The following ERBB4 variants were observed in gnomAD, a reference collection of about 807,000 sequenced individuals.
The protein encoded by ERBB4 is receptor tyrosine-protein kinase erbB-4.
A neutral mutation model predicts 158.0 loss-of-function variants in ERBB4; 42 were observed. The ratio of observed to expected loss-of-function variants is 0.27; its 90% CI spans 0.21 to 0.34. The LOEUF (loss-of-function observed/expected upper bound fraction) is 0.34, where lower values mean the gene tolerates loss of function less well. ERBB4 is among the 10% of genes least tolerant of loss of function. The pLI is 1.00. For synonymous variants in ERBB4, 583 were observed against 558.7 expected (o/e 1.04, Z -0.61); for missense variants, 1,333 against 1,624.1 (o/e 0.82, Z 3.08).
intron 3 of ERBB4, among the ~76,000 whole-genome samples, chr2:211,889,271 A>AC (rs1251942017): frequency 7.0e-6 from 1 of 143,484 alleles, no homozygotes; most frequent in East Asian, 1.9e-4. Context: ...ACTGGGAGGC[A>AC]CCCCCCAGCC....
At chr2:211,718,363 T>C (rs779583910) in intron 7 of ERBB4, among the ~76,000 whole-genome samples, 7 of 152,184 alleles carry the variant, frequency 4.6e-5, no homozygotes, top group Admixed American at 1.3e-4. Flanking sequence ...GTATCCCTTA[T>C]CCAAAATGCT....
At chr2:211,959,954 A>G (rs1045963028) in intron 2 of ERBB4, among the ~76,000 whole-genome samples, 1 of 151,868 alleles carries the variant, frequency 6.6e-6, no homozygotes, top group African/African-American at 2.4e-5. Flanking sequence ...AGTAATGAAG[A>G]CCATAATGGG....
chr2:212,067,338 A>G (rs910922870), intron 2 of ERBB4, among the ~76,000 whole-genome samples: 6 of 152,008 alleles, frequency 3.9e-5, no homozygotes, highest in African/African-American at 1.4e-4. Context: ...GGTAGAAATG[A>G]GAGTGATGAT....
chr2:212,102,897 T>G (rs2079124219), intron 2 of ERBB4, among the ~76,000 whole-genome samples: 1 of 152,098 alleles, frequency 6.6e-6, no homozygotes, highest in African/African-American at 2.4e-5. Flanking sequence ...CAAACTGCAA[T>G]AACTTTCATT....
At chr2:212,186,218 C>T (rs1412152610) in intron 1 of ERBB4, among the ~76,000 whole-genome samples, 1 of 152,096 alleles carries the variant, frequency 6.6e-6, no homozygotes, top group African/African-American at 2.4e-5. Flanking sequence ...GCAAACTTCG[C>T]CTAAATCATT....
At chr2:211,986,987 A>AG (rs1406195105) in intron 2 of ERBB4, among the ~76,000 whole-genome samples, 1 of 152,200 alleles carries the variant, frequency 6.6e-6, no homozygotes, top group Non-Finnish European at 1.5e-5. Context: ...CAAAATATAA[A>AG]TATTAATGTA....
chr2:211,827,816 T>A (rs1389820969), intron 3 of ERBB4, among the ~76,000 whole-genome samples: 2 of 152,034 alleles, frequency 1.3e-5, no homozygotes, highest in East Asian at 3.9e-4. Flanking sequence ...TTACAACATA[T>A]GCAATTATTT....
chr2:211,772,149 C>T (rs1312298638), intron 4 of ERBB4, among the ~76,000 whole-genome samples: 2 of 152,118 alleles, frequency 1.3e-5, no homozygotes, highest in Non-Finnish European at 2.9e-5. Context: ...GATACCTGGA[C>T]ATCTCTTCCA....
At chr2:212,356,473 AC>A (rs1455981772) in intron 1 of ERBB4, among the ~76,000 whole-genome samples, 1 of 151,670 alleles carries the variant, frequency 6.6e-6, no homozygotes, top group East Asian at 1.9e-4. Flanking sequence ...TTTCTCAGCT[AC>A]TCCTCCTCCT....
At chr2:212,450,775 C>T (rs1458876167) in intron 1 of ERBB4, among the ~76,000 whole-genome samples, 3 of 145,750 alleles carry the variant, frequency 2.1e-5, no homozygotes, top group Non-Finnish European at 3.0e-5. Context: ...AGAATTTTGT[C>T]GATAATGACT....
chr2:211,890,029 C>T (rs201145892), intron 3 of ERBB4, among the ~76,000 whole-genome samples: 20,718 of 91,486 alleles, frequency 0.23, 2,789 homozygotes, highest in Middle Eastern at 0.36. Flanking sequence ...GGCAGGCCAA[C>T]GTTCAGATTC....
chr2:212,138,138 C>T (rs1223377821), intron 1 of ERBB4, among the ~76,000 whole-genome samples: 1 of 152,040 alleles, frequency 6.6e-6, no homozygotes, highest in African/African-American at 2.4e-5. Context: ...TTTTATCTGA[C>T]TTTGATTCAC....
chr2:211,929,660 A>G (rs2080119453), intron 3 of ERBB4, among the ~76,000 whole-genome samples: 1 of 152,194 alleles, frequency 6.6e-6, no homozygotes, highest in African/African-American at 2.4e-5. Context: ...ATAAAAATAA[A>G]TTATTGGGAG....
At chr2:211,936,104 A>G (rs2080315384) in intron 3 of ERBB4, among the ~76,000 whole-genome samples, 1 of 152,254 alleles carries the variant, frequency 6.6e-6, no homozygotes, top group South Asian at 2.1e-4. Context: ...CAGATATATA[A>G]TCCTACCCAG....
chr2:211,586,494 G>A (rs142871744), intron 19 of ERBB4, among the ~76,000 whole-genome samples: 2,034 of 152,160 alleles, frequency 0.013, 26 homozygotes, highest in Middle Eastern at 0.051. Context: ...AGTTGTTTTC[G>A]GTTCCTGCCA....
intron 1 of ERBB4, among the ~76,000 whole-genome samples, chr2:212,381,770 C>A (rs1177296582): frequency 6.6e-6 from 1 of 151,246 alleles, no homozygotes; most frequent in Non-Finnish European, 1.5e-5. Context: ...GCATTATATA[C>A]CCTCACAGAT....
chr2:212,313,608 C>T (rs1034890704), intron 1 of ERBB4, among the ~76,000 whole-genome samples: 2 of 150,818 alleles, frequency 1.3e-5, no homozygotes, highest in African/African-American at 4.8e-5. Context: ...ATGCTATGCT[C>T]GTCTATCCCA....
At chr2:211,514,479 G>GA (rs1301772347) in intron 20 of ERBB4, among the ~76,000 whole-genome samples, 17 of 151,774 alleles carry the variant, frequency 1.1e-4, no homozygotes, top group Admixed American at 2.6e-4. Flanking sequence ...AGTATATTCA[G>GA]AAAAAAAATG....
chr2:212,229,935 G>A (rs1344380679), intron 1 of ERBB4, among the ~76,000 whole-genome samples: 3 of 152,066 alleles, frequency 2.0e-5, no homozygotes, highest in Non-Finnish European at 2.9e-5. Flanking sequence ...TATGACTGTT[G>A]GCCAATACCT....
Sources: allele counts gnomAD v4.1 joint callset (sites outside exome capture counted in the v4.1 genomes callset), GRCh38; gene constraint gnomAD v4.1.1; transcripts MANE v1.5; gene names NCBI Gene and HGNC (gene_info 2026-07-23, HGNC 2026-07-21).